The following RHBDL3 variants were observed in gnomAD, a reference collection of about 807,000 sequenced individuals.
RHBDL3 encodes the protein rhomboid-related protein 3.
A neutral mutation model predicts 48.2 loss-of-function variants in RHBDL3; 28 were observed. The observed-to-expected ratio is 0.58, with a 90% CI of 0.43 to 0.80. The LOEUF is 0.80. RHBDL3 is among the 30% of genes least tolerant of loss of function. The probability of loss-of-function intolerance (pLI) is 0.00; values close to 1 mark genes in which losing one functional copy is unlikely to be tolerated. For synonymous variants in RHBDL3, 208 were observed against 232.3 expected (o/e 0.90, Z 0.95); for missense variants, 464 against 542.7 (o/e 0.85, Z 1.44).
intron 2 of RHBDL3, 144 bp from the exon 3 acceptor site, chr17:32,284,515 T>A: frequency 1.5e-6 from 1 of 681,156 alleles, no homozygotes; most frequent in Non-Finnish European, 2.4e-6. Flanking sequence ...CCCAGGGGGG[T>A]CCTTGGAAAT....
chr17:32,292,977 G>A (rs751794608), intron 4 of RHBDL3, among the ~76,000 whole-genome samples: 85 of 151,914 alleles, frequency 5.6e-4, no homozygotes, highest in Non-Finnish European at 1.1e-3. Flanking sequence ...AACAGAGTGA[G>A]ATCCTGTCTC....
chr17:32,292,228 T>C (rs745654720), intron 4 of RHBDL3, among the ~76,000 whole-genome samples: 2 of 152,160 alleles, frequency 1.3e-5, no homozygotes, highest in African/African-American at 2.4e-5. Flanking sequence ...AAAATCAACT[T>C]CTGTGGAATG....
intron 4 of RHBDL3, 64 bp downstream of exon 4, chr17:32,289,080 C>A: frequency 1.5e-6 from 2 of 1,309,692 alleles, no homozygotes; most frequent in Non-Finnish European, 1.1e-6. Flanking sequence ...GGGAGAGGAG[C>A]CAAGAGGATG....
intron 2 of RHBDL3, among the ~76,000 whole-genome samples, chr17:32,270,132 C>CAAAAAA (rs66986205): frequency 4.4e-5 from 3 of 68,096 alleles, no homozygotes; most frequent in Non-Finnish European, 2.8e-5. Flanking sequence ...GACCCTTTCT[C>CAAAAAA]AAAAAAAAAA....
chr17:32,299,324 T>G (rs2040529360), intron 6 of RHBDL3, among the ~76,000 whole-genome samples: 1 of 152,120 alleles, frequency 6.6e-6, no homozygotes, highest in Admixed American at 6.6e-5. Flanking sequence ...CCTGGGAGAT[T>G]CACCCTGCAC....
intron 8 of RHBDL3, among the ~76,000 whole-genome samples, chr17:32,316,766 C>T (rs775906249): frequency 3.9e-5 from 6 of 152,108 alleles, no homozygotes; most frequent in Admixed American, 6.5e-5. Context: ...AATCCTCCTG[C>T]CTTGGCCTCT....
At chr17:32,296,331 CTT>C (rs5819975) in intron 5 of RHBDL3, among the ~76,000 whole-genome samples, 1 of 83,780 alleles carries the variant, frequency 1.2e-5, no homozygotes, top group Non-Finnish European at 2.3e-5. Context: ...GAATAGGTCT[CTT>C]TTTTTTTTTT....
intron 2 of RHBDL3, among the ~76,000 whole-genome samples, chr17:32,270,147 AAAAAAAAAAAG>A (rs1414421848): frequency 1.3e-5 from 2 of 151,438 alleles, no homozygotes; most frequent in African/African-American, 4.8e-5. Flanking sequence ...AAAAAAAAAA[AAAAAAAAAAAG>A]AAGCAAGCAA....
intron 6 of RHBDL3, among the ~76,000 whole-genome samples, chr17:32,302,481 C>T (rs997527712): frequency 5.3e-5 from 8 of 151,750 alleles, no homozygotes; most frequent in Non-Finnish European, 1.2e-4. Context: ...CTCAGCATTC[C>T]GAGTAGCTGG....
intron 2 of RHBDL3, among the ~76,000 whole-genome samples, chr17:32,283,084 C>T (rs201763153): frequency 2.3e-4 from 35 of 152,266 alleles, no homozygotes; most frequent in Non-Finnish European, 2.9e-4. Flanking sequence ...CCTCGTCATG[C>T]ACACACATAC....
In RHBDL3 at chr17:32,288,911, T is replaced by C. The variant is rs376306646; in HGVS notation, c.414T>C (p.His138=). 8 of 1,614,126 alleles carry C rather than the reference T, an allele frequency of 5.0e-6. No individual in the cohort carries two copies. Among genetic ancestry groups the C allele is most frequent in the African/African-American group, 4.0e-5 (3 of 74,948 alleles). ...GCCTCTCGCAGCGACTTATCCGCCA[T>C]GTGGCCTATGAGACCCTGCCCCGGG... ...GLSLSQRLIR[H]VAYETLPREI... Residue 138 remains histidine (H), a synonymous_variant, in exon 4 of 9, where the codon CAT becomes CAC. Transcript: ENST00000269051.
In RHBDL3 at chr17:32,285,798, C is replaced by A. The variant is rs536096720; in HGVS notation, c.294+981C>A. 2.0e-5 allele frequency among the ~76,000 whole-genome samples: 3 copies of A among 152,318 alleles called. No individual in the cohort carries two copies. In the South Asian group the frequency reaches 6.2e-4, roughly 32 times the overall value. On this transcript the variant is annotated intron_variant, in intron 3 of 8. Transcript: ENST00000269051. Reference sequence around the variant, plus strand: ...AATGACTTGTGTGAAGCGCCCCAGACTCCTAAATTCAAAGGCACCAGTGAT... The same window carrying A: ...AATGACTTGTGTGAAGCGCCCCAGAATCCTAAATTCAAAGGCACCAGTGAT...
Position 32,323,588 on chromosome 17 carries a change from G to A in RHBDL3, c.*2359G>A, listed in dbSNP as rs1301028663. 6.6e-6 allele frequency: 1 copy of A among 152,172 alleles called. No homozygotes were observed. Among genetic ancestry groups the A allele is most frequent in the Non-Finnish European group, 1.5e-5 (1 of 68,072 alleles). The allele number at this position is 152,172 out of a possible 1,614,324, so 9.4% of individuals were successfully genotyped here. On this transcript the variant is annotated 3_prime_UTR_variant, in exon 9 of 9. Coordinates refer to ENST00000269051, the MANE Select transcript of RHBDL3 (RefSeq NM_138328.3). ...AGGGGGCTTCCTCTCTTAGGGGTGA[G>A]AAAGCATTGAACTAGAAGATTCTAG...
intron 6 of RHBDL3, among the ~76,000 whole-genome samples, chr17:32,302,841 A>G (rs2040618162): frequency 6.6e-6 from 1 of 152,148 alleles, no homozygotes; most frequent in Non-Finnish European, 1.5e-5. Context: ...CCCCTCCAGC[A>G]CTGGCAAACT....
chr17:32,303,658 T>A (rs1191916918), intron 6 of RHBDL3, among the ~76,000 whole-genome samples: 2 of 152,150 alleles, frequency 1.3e-5, no homozygotes, highest in Non-Finnish European at 2.9e-5. Flanking sequence ...GTTTTTGTTT[T>A]TGTTTTTGAG....
At position 32,293,364 on chromosome 17, in the gene RHBDL3, A is replaced by G. The variant is rs139139256; in HGVS notation, c.520-930A>G. 6.8e-3 allele frequency among the ~76,000 whole-genome samples: 1,034 copies of G among 151,826 alleles called. 9 individuals are homozygous for G. The highest frequency in any genetic ancestry group is 7.6e-3 in the Non-Finnish European group (515 of 67,888). The stretch of plus-strand genomic sequence containing the variant: ...TGGGAGGCCGAGGTGGGCAGGTCAC[A>G]TGAGGTTAGGAGTTCTAAACTGGCC... On this transcript the variant is annotated intron_variant, in intron 4 of 8. Transcript: ENST00000269051.
At chr17:32,287,164 A>G (rs1276733199) in intron 3 of RHBDL3, among the ~76,000 whole-genome samples, 1 of 152,090 alleles carries the variant, frequency 6.6e-6, no homozygotes, top group Non-Finnish European at 1.5e-5. Flanking sequence ...ATGGTCATGG[A>G]CTGTGCCCAG....
intron 2 of RHBDL3, among the ~76,000 whole-genome samples, chr17:32,279,076 A>G (rs545210339): frequency 6.6e-6 from 1 of 152,168 alleles, no homozygotes; most frequent in East Asian, 1.9e-4. Flanking sequence ...TATGAATTCT[A>G]CAATCACATC....
intron 4 of RHBDL3, among the ~76,000 whole-genome samples, chr17:32,293,535 CTA>C (rs1309314727): frequency 1.3e-5 from 2 of 150,254 alleles, no homozygotes; most frequent in Non-Finnish European, 3.0e-5. Flanking sequence ...TGAGCCAAGA[CTA>C]TCATTGCACT....
Sources: allele counts gnomAD v4.1 joint callset (sites outside exome capture counted in the v4.1 genomes callset), GRCh38; gene constraint gnomAD v4.1.1; transcripts MANE v1.5; gene names NCBI Gene and HGNC (gene_info 2026-07-23, HGNC 2026-07-21).